PTPRM: variants seen among roughly 807,000 people sequenced by gnomAD.
PTPRM encodes the protein protein tyrosine phosphatase receptor type M.
PTPRM carries 47 observed loss-of-function variants against 186.7 expected under a neutral mutation model. That is an observed-to-expected ratio of 0.25 (90% CI 0.20 to 0.32). The LOEUF is 0.32. PTPRM is among the 10% of genes least tolerant of loss of function. The pLI is 1.00. For missense variants in PTPRM, 1,494 were observed against 1,865.0 expected (o/e 0.80, Z 3.66); for synonymous variants, 668 against 674.9 (o/e 0.99, Z 0.16).
At chr18:8,368,982 G>T (rs2148445087) in intron 23 of PTPRM, among the ~76,000 whole-genome samples, 1 of 151,266 alleles carries the variant, frequency 6.6e-6, no homozygotes. Flanking sequence ...GCAGCAAAAA[G>T]AGCTCACATC....
At chr18:7,818,935 A>G (rs973936190) in intron 2 of PTPRM, among the ~76,000 whole-genome samples, 3 of 152,198 alleles carry the variant, frequency 2.0e-5, no homozygotes. Flanking sequence ...ACAGAGCCCT[A>G]GAAACCTCAG....
At chr18:7,828,432 G>C (rs914237531) in intron 2 of PTPRM, among the ~76,000 whole-genome samples, 7 of 151,326 alleles carry the variant, frequency 4.6e-5, no homozygotes, top group African/African-American at 1.7e-4. Context: ...ACAGTCCCCA[G>C]AGTGTGATGT....
At chr18:8,382,204 G>A (rs1187163675) in intron 29 of PTPRM, among the ~76,000 whole-genome samples, 3 of 152,180 alleles carry the variant, frequency 2.0e-5, no homozygotes, top group Non-Finnish European at 2.9e-5. Flanking sequence ...GTTCACGGAC[G>A]TGTTATGCAC....
chr18:8,327,057 G>GTGACATGAACTTT (rs1248662909), intron 22 of PTPRM, among the ~76,000 whole-genome samples: 1 of 152,180 alleles, frequency 6.6e-6, no homozygotes, highest in African/African-American at 2.4e-5. Context: ...TAAATAGCTA[G>GTGACATGAACTTT]TGACATGAAC....
intron 1 of PTPRM, among the ~76,000 whole-genome samples, chr18:7,664,509 G>A (rs2039052122): frequency 6.6e-6 from 1 of 152,212 alleles, no homozygotes; most frequent in African/African-American, 2.4e-5. Context: ...TGTCTCCCAA[G>A]GCCAGTGGGC....
In PTPRM at chr18:7,726,336, T is replaced by A. The variant is rs539377537; in HGVS notation, c.74-47813T>A. On this transcript the variant is annotated intron_variant, in intron 1 of 32. Transcript: ENST00000580170. The stretch of plus-strand genomic sequence containing the variant: ...TTTCAGATCCTTTGCTCATTTTTAA[T>A]TGGGTCATTTCTTGTTGAGTTTTAA... Among the ~76,000 whole-genome samples, 6 of 152,370 alleles carry A rather than the reference T, an allele frequency of 3.9e-5. No homozygotes were observed. In the South Asian group the frequency reaches 1.2e-3, roughly 32 times the overall value.
chr18:7,984,592 TATATATATATAC>T (rs2082739263), intron 7 of PTPRM, among the ~76,000 whole-genome samples: 1 of 123,028 alleles, frequency 8.1e-6, no homozygotes, highest in African/African-American at 3.3e-5. Flanking sequence ...TATATATATA[TATATATATATAC>T]ACACACACAC....
At chr18:8,307,531 C>T (rs747810625) in intron 20 of PTPRM, among the ~76,000 whole-genome samples, 8 of 152,276 alleles carry the variant, frequency 5.3e-5, no homozygotes, top group East Asian at 1.9e-4. Flanking sequence ...AGGCCAGGCG[C>T]GGTGGCTCAC....
At chr18:8,075,161 C>CA (rs1568298675) in intron 8 of PTPRM, among the ~76,000 whole-genome samples, 1 of 152,126 alleles carries the variant, frequency 6.6e-6, no homozygotes, top group East Asian at 1.9e-4. Context: ...AATCTATCCT[C>CA]ATTAAATGTT....
chr18:8,305,528 G>T (rs2095212355), intron 20 of PTPRM, among the ~76,000 whole-genome samples: 1 of 152,152 alleles, frequency 6.6e-6, no homozygotes, highest in Non-Finnish European at 1.5e-5. Flanking sequence ...GCACAGAGCG[G>T]TCAAATAACT....
intron 23 of PTPRM, chr18:8,360,814 T>C (rs1158717754): frequency 6.6e-6 from 1 of 152,238 alleles, no homozygotes; most frequent in Non-Finnish European, 1.5e-5. Flanking sequence ...AGAACTCTTA[T>C]CACTTAAAAT....
At chr18:8,337,630 CT>C (rs2095447508) in intron 22 of PTPRM, among the ~76,000 whole-genome samples, 1 of 152,216 alleles carries the variant, frequency 6.6e-6, no homozygotes, top group African/African-American at 2.4e-5. Context: ...GCACAACTCA[CT>C]TTAAACATCA....
intron 7 of PTPRM, among the ~76,000 whole-genome samples, chr18:8,007,639 T>C (rs2084268934): frequency 1.3e-5 from 2 of 152,154 alleles, no homozygotes; most frequent in South Asian, 2.1e-4. Flanking sequence ...AGCAGTAAGA[T>C]ACTGGAATTG....
At chr18:7,784,465 C>T (rs188620088) in intron 2 of PTPRM, among the ~76,000 whole-genome samples, 1 of 152,154 alleles carries the variant, frequency 6.6e-6, no homozygotes, top group Non-Finnish European at 1.5e-5. Context: ...ACTCCTAAAA[C>T]TCCTTTTATC....
intron 22 of PTPRM, among the ~76,000 whole-genome samples, chr18:8,328,951 A>G (rs1301118414): frequency 6.6e-6 from 1 of 152,240 alleles, no homozygotes; most frequent in African/African-American, 2.4e-5. Context: ...ATTTAAAGGA[A>G]GAGTTAAAGT....
rs140286552 is a variant in PTPRM, at chr18:8,176,713, C to T, written c.2300+32934C>T. ...TAACTGCAGGCGCACCCGGTTGGTA[C>T]TGAAGCAGGATTTTGCTCTGATTAG... On this transcript the variant is annotated intron_variant, in intron 14 of 32. Coordinates refer to ENST00000580170, the MANE Select transcript of PTPRM (RefSeq NM_001105244.2). Among the ~76,000 whole-genome samples the T allele has an allele frequency of 1.7e-4, 26 of 152,284 alleles. 1 individual carries two copies. The highest frequency in any genetic ancestry group is 6.3e-4 in the African/African-American group (26 of 41,574).
At chr18:8,333,363 T>G (rs796121077) in intron 22 of PTPRM, among the ~76,000 whole-genome samples, 7 of 152,216 alleles carry the variant, frequency 4.6e-5, no homozygotes, top group African/African-American at 1.7e-4. Flanking sequence ...CTGTTACCAC[T>G]TCTGTGACAC....
chr18:7,804,148 T>C (rs1300266699), intron 2 of PTPRM, among the ~76,000 whole-genome samples: 1 of 152,192 alleles, frequency 6.6e-6, no homozygotes, highest in Admixed American at 6.5e-5. Flanking sequence ...CTCCTCTGCA[T>C]TGACTTCATC....
At chr18:8,378,191 G>C in intron 26 of PTPRM, 74 bp from the exon 27 acceptor site, 4 of 1,441,928 alleles carry the variant, frequency 2.8e-6, no homozygotes, top group Non-Finnish European at 3.8e-6. Context: ...GATGATGTGG[G>C]GCTAAAATTG....
Sources: gnomAD v4.1 joint callset for allele counts (sites outside exome capture counted in the v4.1 genomes callset) on GRCh38, gnomAD v4.1.1 for gene constraint, MANE v1.5 for transcripts, NCBI Gene and HGNC (gene_info 2026-07-23, HGNC 2026-07-21) for gene names.